The following ARIH1 variants were observed in gnomAD, a reference collection of about 807,000 sequenced individuals.
ARIH1 encodes the protein ariadne RBR E3 ubiquitin protein ligase 1, also known as E3 ubiquitin-protein ligase ARIH1.
A neutral mutation model predicts 85.0 loss-of-function variants in ARIH1; 8 were observed. The ratio of observed to expected loss-of-function variants is 0.09; its 90% CI spans 0.06 to 0.17. The LOEUF is 0.17. ARIH1 is among the 10% of genes least tolerant of loss of function. ARIH1 has a pLI of 1.00. For synonymous variants in ARIH1, 238 were observed against 253.6 expected (o/e 0.94, Z 0.59); for missense variants, 311 against 718.1 (o/e 0.43, Z 6.48).
intron 2 of ARIH1, among the ~76,000 whole-genome samples, chr15:72,537,822 C>T (rs767548884): frequency 6.6e-6 from 1 of 152,036 alleles, no homozygotes; most frequent in South Asian, 2.1e-4. Context: ...AATTGCAATC[C>T]GATACCCATA....
intron 11 of ARIH1, among the ~76,000 whole-genome samples, chr15:72,573,532 G>GCC (rs2064257459): frequency 6.6e-6 from 1 of 152,116 alleles, no homozygotes; most frequent in African/African-American, 2.4e-5. Context: ...CTGTACTCCA[G>GCC]AGTGAGACTC....
At chr15:72,496,098 TG>T in intron 1 of ARIH1, among the ~76,000 whole-genome samples, 1 of 152,136 alleles carries the variant, frequency 6.6e-6, no homozygotes, top group Middle Eastern at 3.4e-3. Flanking sequence ...TTTTTGGAGA[TG>T]GGGTCTGTTG....
chr15:72,529,928 A>G (rs2064048255), intron 2 of ARIH1, among the ~76,000 whole-genome samples: 1 of 152,194 alleles, frequency 6.6e-6, no homozygotes, highest in Admixed American at 6.6e-5. Flanking sequence ...TTTATTGGGA[A>G]GCCCTTGAAC....
intron 11 of ARIH1, among the ~76,000 whole-genome samples, chr15:72,579,826 A>G (rs2064288171): frequency 6.6e-6 from 1 of 152,228 alleles, no homozygotes; most frequent in African/African-American, 2.4e-5. Context: ...TTTTTAATGG[A>G]CAAATCATAA....
intron 2 of ARIH1, among the ~76,000 whole-genome samples, chr15:72,542,164 C>A (rs1448848738): frequency 6.6e-6 from 1 of 152,106 alleles, no homozygotes; most frequent in East Asian, 1.9e-4. Context: ...AAGGTGAGAT[C>A]TAAATCATTA....
At chr15:72,498,961 ATTTTTTTTTTTTTTT>A (rs535261674) in intron 1 of ARIH1, among the ~76,000 whole-genome samples, 13 of 88,422 alleles carry the variant, frequency 1.5e-4, no homozygotes, top group African/African-American at 4.7e-4. Context: ...CTTTTCATAA[ATTTTTTTTTTTTTTT>A]TTTTTTTTTT....
In ARIH1 at chr15:72,503,236, G is replaced by T. The variant is rs1389692015; in HGVS notation, c.376-14831G>T. On this transcript the variant is annotated intron_variant, in intron 1 of 13. Transcript: ENST00000379887. ...TCGTTTTTGTGGTCTGGGTCATGAA[G>T]AAGTGAGATTTTGCCAACAGTAGCA... 4.6e-5 allele frequency among the ~76,000 whole-genome samples: 7 copies of T among 152,238 alleles called. 1 individual carries two copies. The highest frequency in any genetic ancestry group is 1.0e-4 in the Non-Finnish European group (7 of 68,040).
At chr15:72,540,469 T>C (rs906878016) in intron 2 of ARIH1, among the ~76,000 whole-genome samples, 1 of 152,058 alleles carries the variant, frequency 6.6e-6, no homozygotes, top group African/African-American at 2.4e-5. Context: ...ATAAACATTG[T>C]GGAGTCAGGG....
At position 72,483,108 on chromosome 15, in the gene ARIH1, C is replaced by T. The variant is rs190188655; in HGVS notation, c.375+8094C>T. Among the ~76,000 whole-genome samples the T allele has an allele frequency of 1.1e-4, 16 of 152,146 alleles. No individual in the cohort carries two copies. In the South Asian group the frequency reaches 1.7e-3, roughly 16 times the overall value. On this transcript the variant is annotated intron_variant, in intron 1 of 13. Coordinates refer to ENST00000379887, the MANE Select transcript of ARIH1 (RefSeq NM_005744.5). ...AACACCTTAATTCAAGGGATCTGCC[C>T]GCCTTAGCCTCCTAAAGTGCTGGGA... is the stretch of plus-strand genomic sequence containing the variant.
Position 72,518,116 on chromosome 15 carries a change from A to C in ARIH1, c.425A>C (p.Lys142Thr). Residue 142 changes from lysine to threonine, a missense_variant, in exon 2 of 14, where the codon AAA becomes ACA. By Grantham distance (78) the Lys-to-Thr change is moderately conservative. Around this residue, in one of 3 missense-constraint regions of ARIH1, gnomAD observed 104 missense variants for 221.4 expected, o/e 0.47. Transcript: ENST00000379887. ...RILLSHFNWDKEKLMERYFDG... is the reference protein window; with the variant it reads ...RILLSHFNWDTEKLMERYFDG... ...CTCCTTAGCCACTTCAATTGGGATAAAGAGAAGCTAATGGAAAGGTAAGGA... is the reference window on the plus strand; with the variant it reads ...CTCCTTAGCCACTTCAATTGGGATACAGAGAAGCTAATGGAAAGGTAAGGA... The C allele has an allele frequency of 6.2e-7, 1 of 1,609,930 alleles. No homozygotes were observed. The highest frequency in any genetic ancestry group is 8.5e-7 in the Non-Finnish European group (1 of 1,176,664).
At chr15:72,506,211 G>A (rs190307787) in intron 1 of ARIH1, among the ~76,000 whole-genome samples, 1 of 151,978 alleles carries the variant, frequency 6.6e-6, no homozygotes, top group Admixed American at 6.5e-5. Context: ...TTAGCCAGGC[G>A]TGGTGGTGGG....
intron 10 of ARIH1, among the ~76,000 whole-genome samples, chr15:72,571,084 G>A (rs1239605741): frequency 3.1e-5 from 4 of 128,356 alleles, no homozygotes; most frequent in East Asian, 2.4e-4. Flanking sequence ...AACCAAGATC[G>A]CCCCATTGCA....
intron 7 of ARIH1, among the ~76,000 whole-genome samples, chr15:72,566,098 G>A (rs2064219481): frequency 6.6e-6 from 1 of 152,098 alleles, no homozygotes; most frequent in African/African-American, 2.4e-5. Context: ...TCTACAGGGC[G>A]GAGGTTCATT....
At position 72,474,561 on chromosome 15, in the gene ARIH1, G is replaced by C. The variant is rs1226703912; in HGVS notation, c.-79G>C. 1.4e-6 allele frequency: 2 copies of C among 1,456,150 alleles called. No individual in the cohort carries two copies. Among genetic ancestry groups the C allele is most frequent in the South Asian group, 1.3e-5 (1 of 76,384 alleles). 90.2% of individuals were successfully genotyped at this position (1,456,150 alleles called of 1,614,324 possible). A position where few individuals can be genotyped will look rare whatever the true frequency, so the allele number is the denominator to read the frequency against. On this transcript the variant is annotated 5_prime_UTR_variant, in exon 1 of 14. Coordinates refer to ENST00000379887, the MANE Select transcript of ARIH1 (RefSeq NM_005744.5). ...CTGCGTCCGGACATCAGCCGGAGCC[G>C]GAGCGAGAGCCGGGGCCTCGGCGTC...
Position 72,590,381 on chromosome 15 carries a change from T to A in ARIH1, c.*7089T>A, listed in dbSNP as rs1335996181. The stretch of plus-strand genomic sequence containing the variant: ...GAAACTTAATTCTTATCTTGGCTCA[T>A]CTCTTCAAAACAGATGCCTCTTTCG... On this transcript the variant is annotated 3_prime_UTR_variant, in exon 14 of 14. Coordinates refer to ENST00000379887, the MANE Select transcript of ARIH1 (RefSeq NM_005744.5). 1 of 152,238 alleles carries A rather than the reference T, an allele frequency of 6.6e-6. No homozygotes were observed. Among genetic ancestry groups the A allele is most frequent in the Non-Finnish European group, 1.5e-5 (1 of 68,052 alleles). The allele number at this position is 152,238 out of a possible 1,614,324, so 9.4% of individuals were successfully genotyped here.
At chr15:72,568,845 T>C (rs1373871618) in intron 9 of ARIH1, among the ~76,000 whole-genome samples, 1 of 152,220 alleles carries the variant, frequency 6.6e-6, no homozygotes, top group African/African-American at 2.4e-5. Context: ...TATTTTAAAT[T>C]GCTATCATTG....
rs1382529052 is a variant in ARIH1 at position 72,580,898 on chromosome 15, A to G, written c.1383A>G (p.Ala461=). The change falls in exon 12 of 14, where the codon GCA becomes GCG. Residue 461 remains alanine (A), a synonymous_variant. Coordinates refer to ENST00000379887, the MANE Select transcript of ARIH1 (RefSeq NM_005744.5). ...TTGAGGTGCAGTTCCTGAAGAAGGC[A>G]GTTGATGTCCTCTGCCAGTGTCGTG... The part of the protein sequence containing the change: ...SWIEVQFLKK[A]VDVLCQCRAT... 5 of 1,614,038 alleles carry G rather than the reference A, an allele frequency of 3.1e-6. No individual in the cohort carries two copies. The highest frequency in any genetic ancestry group is 1.3e-5 in the African/African-American group (1 of 74,930).
In ARIH1 at chr15:72,575,800, A is replaced by G. The variant is rs114856888; in HGVS notation, c.1215+3635A>G. Among the ~76,000 whole-genome samples the G allele has an allele frequency of 4.4e-3, 665 of 152,320 alleles. 5 individuals are homozygous for G. The highest frequency in any genetic ancestry group is 0.015 in the African/African-American group (639 of 41,570). ...ATTTTCCACATATTTTCAGATTGGC[A>G]TAATTTTCCTGTTCATAAGCATTGG... On this transcript the variant is annotated intron_variant, in intron 11 of 13. Coordinates refer to ENST00000379887, the MANE Select transcript of ARIH1 (RefSeq NM_005744.5).
chr15:72,536,789 T>A (rs1326444418), intron 2 of ARIH1, among the ~76,000 whole-genome samples: 1 of 152,142 alleles, frequency 6.6e-6, no homozygotes, highest in Admixed American at 6.5e-5. Flanking sequence ...CACTTGGAAG[T>A]AGTATTAATT....
Sources: gnomAD v4.1 joint callset for allele counts (sites outside exome capture counted in the v4.1 genomes callset) on GRCh38, gnomAD v4.1.1 for gene constraint, gnomAD v4.1.1 regional missense constraint, MANE v1.5 for transcripts, NCBI Gene and HGNC (gene_info 2026-07-23, HGNC 2026-07-21) for gene names.